The following ME3 variants were observed in gnomAD, a reference collection of about 807,000 sequenced individuals.
The protein encoded by ME3 is NADP-dependent malic enzyme, mitochondrial.
Under a neutral mutation model 68.9 loss-of-function variants are expected in ME3, and 48 were observed. The ratio of observed to expected loss-of-function variants is 0.70; its 90% confidence interval spans 0.55 to 0.89. ME3 has a LOEUF of 0.89. ME3 is among the 40% of genes least tolerant of loss of function. The pLI is 0.00. For missense variants in ME3, 675 were observed against 797.4 expected, an observed-to-expected ratio of 0.85 and a Z score of 1.85; for synonymous variants, 320 against 318.8, an observed-to-expected ratio of 1.00 and a Z score of -0.04.
intron 4 of ME3, among the ~76,000 whole-genome samples, chr11:86,514,191 C>T (rs1953732604): frequency 6.6e-6 from 1 of 152,186 alleles, no homozygotes; most frequent in African/African-American, 2.4e-5. Context: ...CTTTGCCTTC[C>T]ACCATAATCA....
chr11:86,467,693 T>TCTCA lies in ME3; in HGVS notation c.810-2494_810-2493insTGAG, dbSNP rs1555204126. 2.4e-3 allele frequency among the ~76,000 whole-genome samples: 347 copies of TCTCA among 143,324 alleles called. 1 individual carries two copies. Among genetic ancestry groups the TCTCA allele is most frequent in the Non-Finnish European group, 4.0e-3 (266 of 66,134 alleles). The allele number at this position is 143,324 out of a possible 152,430, so 94.0% of individuals were successfully genotyped here. A position where few individuals can be genotyped will look rare whatever the true frequency, so the allele number is the denominator to read the frequency against. ...CTCTCTCTCTCTCTCTCTCTCTCTC[T>TCTCA]CACACACACACACACACACCCCTTT... On this transcript the variant is annotated intron_variant, in intron 7 of 14. Transcript: ENST00000543262.
At chr11:86,518,091 G>C (rs1416123706) in intron 4 of ME3, among the ~76,000 whole-genome samples, 1 of 152,186 alleles carries the variant, frequency 6.6e-6, no homozygotes, top group African/African-American at 2.4e-5. Flanking sequence ...TTTTCTGAGT[G>C]AGAAAAATTT....
chr11:86,496,276 C>G (rs573195266), intron 6 of ME3, among the ~76,000 whole-genome samples: 69 of 152,198 alleles, frequency 4.5e-4, no homozygotes, highest in African/African-American at 1.6e-3. Context: ...CGTGGTAGCA[C>G]ATGCCTGTAA....
intron 4 of ME3, among the ~76,000 whole-genome samples, chr11:86,514,675 C>T (rs1226773046): frequency 6.6e-6 from 1 of 152,228 alleles, no homozygotes; most frequent in Non-Finnish European, 1.5e-5. Flanking sequence ...TAAGTTACTT[C>T]CCTTCTTCAA....
At chr11:86,524,525 A>G (rs186643863) in intron 4 of ME3, among the ~76,000 whole-genome samples, 4 of 152,336 alleles carry the variant, frequency 2.6e-5, no homozygotes, top group Admixed American at 2.6e-4. Context: ...AAAAGCTGAA[A>G]TTGTAAAAGC....
intron 2 of ME3, among the ~76,000 whole-genome samples, chr11:86,578,519 A>T (rs1594524951): frequency 6.6e-6 from 1 of 152,302 alleles, no homozygotes; most frequent in East Asian, 1.9e-4. Flanking sequence ...GAGACAACCA[A>T]GGACAAGCTC....
intron 2 of ME3, among the ~76,000 whole-genome samples, chr11:86,633,580 G>A (rs1301351260): frequency 2.6e-5 from 4 of 152,206 alleles, no homozygotes; most frequent in Non-Finnish European, 5.9e-5. Context: ...GGGACATTGA[G>A]ACTTGATTGG....
intron 7 of ME3, among the ~76,000 whole-genome samples, chr11:86,469,658 A>G (rs922138909): frequency 5.3e-5 from 8 of 152,158 alleles, no homozygotes; most frequent in Non-Finnish European, 8.8e-5. Context: ...GGGCTGAGGA[A>G]CATCTGATGC....
intron 2 of ME3, among the ~76,000 whole-genome samples, chr11:86,573,614 C>T (rs1250942621): frequency 6.6e-6 from 1 of 151,886 alleles, no homozygotes; most frequent in African/African-American, 2.4e-5. Context: ...TATCTGAATA[C>T]ACTTTATTTC....
At chr11:86,552,425 G>C (rs1956738199) in intron 4 of ME3, among the ~76,000 whole-genome samples, 1 of 152,148 alleles carries the variant, frequency 6.6e-6, no homozygotes, top group South Asian at 2.1e-4. Context: ...GTAGAATCCA[G>C]TGTGAGCAAG....
At chr11:86,558,339 G>A (rs1393423810) in intron 3 of ME3, among the ~76,000 whole-genome samples, 1 of 152,204 alleles carries the variant, frequency 6.6e-6, no homozygotes, top group Non-Finnish European at 1.5e-5. Context: ...GCTCTTCAGA[G>A]TGACTTAGCT....
At chr11:86,519,578 G>A (rs1247600673) in intron 4 of ME3, among the ~76,000 whole-genome samples, 2 of 152,168 alleles carry the variant, frequency 1.3e-5, no homozygotes, top group African/African-American at 4.8e-5. Flanking sequence ...CCCTGCAGCT[G>A]GGCTCAGGAG....
At chr11:86,560,479 T>C (rs1398230786) in intron 2 of ME3, among the ~76,000 whole-genome samples, 1 of 152,038 alleles carries the variant, frequency 6.6e-6, no homozygotes, top group Non-Finnish European at 1.5e-5. Context: ...GAAAACGGAC[T>C]AATACAAACA....
At chr11:86,599,383 A>T (rs1304093977) in intron 2 of ME3, among the ~76,000 whole-genome samples, 1 of 152,214 alleles carries the variant, frequency 6.6e-6, no homozygotes, top group Non-Finnish European at 1.5e-5. Flanking sequence ...AAATGAAGCG[A>T]GAAGGGAAGT....
chr11:86,610,150 T>G (rs1942456729), intron 2 of ME3, among the ~76,000 whole-genome samples: 1 of 152,084 alleles, frequency 6.6e-6, no homozygotes, highest in Non-Finnish European at 1.5e-5. Context: ...TGCAAGGGAA[T>G]CATTAAACAC....
chr11:86,484,806 C>T (rs1951597744), intron 7 of ME3, among the ~76,000 whole-genome samples: 1 of 152,166 alleles, frequency 6.6e-6, no homozygotes, highest in Non-Finnish European at 1.5e-5. Flanking sequence ...GTCAGTAGTC[C>T]TGGGTTCAGC....
chr11:86,524,797 A>G (rs1954604019), intron 4 of ME3, among the ~76,000 whole-genome samples: 1 of 152,234 alleles, frequency 6.6e-6, no homozygotes, highest in Admixed American at 6.5e-5. Flanking sequence ...CAAATGTAAG[A>G]GACAGCTAAG....
At chr11:86,531,545 C>T (rs1955232073) in intron 4 of ME3, among the ~76,000 whole-genome samples, 1 of 152,208 alleles carries the variant, frequency 6.6e-6, no homozygotes, top group African/African-American at 2.4e-5. Context: ...AAGACACATG[C>T]ACACGCATGT....
At chr11:86,575,580 T>C (rs1594513563) in intron 2 of ME3, among the ~76,000 whole-genome samples, 1 of 148,168 alleles carries the variant, frequency 6.7e-6, no homozygotes, top group East Asian at 1.9e-4. Flanking sequence ...TTGGCAATCA[T>C]TTCTGAGAGG....
Sources: gnomAD v4.1 joint callset for allele counts (sites outside exome capture counted in the v4.1 genomes callset) on GRCh38, gnomAD v4.1.1 for gene constraint, MANE v1.5 for transcripts, NCBI Gene and HGNC (gene_info 2026-07-23, HGNC 2026-07-21) for gene names.